The following CPAMD8 variants were observed in gnomAD, a reference collection of about 807,000 sequenced individuals.
The protein encoded by CPAMD8 is C3 and PZP-like alpha-2-macroglobulin domain-containing protein 8.
A neutral mutation model predicts 224.7 loss-of-function variants in CPAMD8; 146 were observed. The observed-to-expected ratio is 0.65, with a 90% CI of 0.57 to 0.75. The LOEUF (loss-of-function observed/expected upper bound fraction) is 0.75, where lower values mean the gene tolerates loss of function less well. Ranked by LOEUF, CPAMD8 falls within the 30% of genes least tolerant of loss-of-function variation. CPAMD8 has a pLI of 0.00. For synonymous variants in CPAMD8, 966 were observed against 1,044.6 expected, an observed-to-expected ratio of 0.92 and a Z score of 1.45; for missense variants, 2,301 against 2,537.5, an observed-to-expected ratio of 0.91 and a Z score of 2.00.
chr19:16,944,953 G>C (rs953191009), intron 22 of CPAMD8, among the ~76,000 whole-genome samples: 1 of 152,180 alleles, frequency 6.6e-6, no homozygotes, highest in African/African-American at 2.4e-5. Flanking sequence ...GCCAAGAAAA[G>C]ATGAGGCATG....
Position 17,018,527 on chromosome 19 carries a change from T to G in CPAMD8, c.267+1804A>C, listed in dbSNP as rs187052651. 1.1e-4 allele frequency among the ~76,000 whole-genome samples: 16 copies of G among 152,194 alleles called. No individual in the cohort carries two copies. In the Middle Eastern group the frequency reaches 0.017, roughly 162 times the overall value. The stretch of plus-strand genomic sequence containing the variant: ...AGCCTAAAGAAGGCATCCAGAATGC[T>G]AATATGGCTTTACATACAAACATTC... On this transcript the variant is annotated intron_variant, in intron 3 of 41. Coordinates refer to ENST00000443236, the MANE Select transcript of CPAMD8 (RefSeq NM_015692.5).
chr19:16,961,440 G>A lies in CPAMD8; in HGVS notation c.2214-3525C>T, dbSNP rs1201959320. Among the ~76,000 whole-genome samples the A allele has an allele frequency of 3.3e-5, 5 of 152,264 alleles. No homozygotes were observed. The South Asian group carries it at 6.2e-4, about 19-fold the overall frequency. ...GCACAGCAGTCTGAGATCGAACTGC[G>A]ACGTGGCAGCCTGGTTGGGGGAGGG... On this transcript the variant is annotated intron_variant, in intron 18 of 41. Transcript: ENST00000443236.
intron 28 of CPAMD8, 35 bp from the exon 29 acceptor site, chr19:16,914,533 A>G (rs2052861811): frequency 1.9e-6 from 3 of 1,612,312 alleles, no homozygotes; most frequent in Non-Finnish European, 2.5e-6. Context: ...CCCTAAGCCA[A>G]AGGAGACAGT....
chr19:16,960,399 G>A (rs1428717826), intron 18 of CPAMD8, among the ~76,000 whole-genome samples: 1 of 151,884 alleles, frequency 6.6e-6, no homozygotes, highest in Non-Finnish European at 1.5e-5. Flanking sequence ...CCATCATTAG[G>A]AGGACTGGAA....
chr19:16,925,561 C>T (rs2144931722), intron 25 of CPAMD8, among the ~76,000 whole-genome samples, 189 bp from the exon 26 acceptor site: 1 of 152,270 alleles, frequency 6.6e-6, no homozygotes, highest in East Asian at 1.9e-4. Context: ...TTACACACCT[C>T]CTTCTGTGTT....
Position 16,977,434 on chromosome 19 carries a change from G to A in CPAMD8, c.1692C>T (p.Val564=), listed in dbSNP as rs371066423. 5 of 1,611,932 alleles carry A rather than the reference G, an allele frequency of 3.1e-6. No homozygotes were observed. Among genetic ancestry groups the A allele is most frequent in the Non-Finnish European group, 4.2e-6 (5 of 1,178,518 alleles). The change falls in exon 15 of 42, where the codon GTC becomes GTT. Residue 564 remains valine (V), a synonymous_variant. Transcript: ENST00000443236. The part of the protein sequence containing the change: ...VPLGRLLVFY[V]RENGEGVADS... ...CGGCGACCCCTTCTCCATTCTCCCT[G>A]ACGTAGAAGACCAGCAGGCGACCAA...
chr19:16,996,980 T>C (rs1338035315), intron 11 of CPAMD8, 131 bp downstream of exon 11: 1 of 663,434 alleles, frequency 1.5e-6, no homozygotes, highest in Non-Finnish European at 2.8e-6. Flanking sequence ...ACACCAGCCC[T>C]CTCCACTCTC....
chr19:17,008,077 G>A (rs1180720079), intron 7 of CPAMD8, among the ~76,000 whole-genome samples: 1 of 152,250 alleles, frequency 6.6e-6, no homozygotes, highest in African/African-American at 2.4e-5. Flanking sequence ...GCTGAGGCAG[G>A]AGACGCTCTT....
At chr19:17,004,427 C>T in intron 7 of CPAMD8, 41 bp from the exon 8 acceptor site, 1 of 1,329,020 alleles carries the variant, frequency 7.5e-7, no homozygotes, top group Non-Finnish European at 1.1e-6. Flanking sequence ...CAGAGAGCCA[C>T]AGACACGGTG....
In CPAMD8 at chr19:17,002,905, C is replaced by CTTT. The variant is rs376741138; in HGVS notation, c.674-558_674-556dup. Among the ~76,000 whole-genome samples the CTTT allele has an allele frequency of 1.8e-3, 245 of 133,418 alleles. 11 individuals are homozygous for CTTT. Among genetic ancestry groups the CTTT allele is most frequent in the African/African-American group, 4.8e-3 (161 of 33,652 alleles). 87.5% of individuals were successfully genotyped at this position (133,418 alleles called of 152,430 possible). A position where few individuals can be genotyped will look rare whatever the true frequency, so the allele number is the denominator to read the frequency against. ...TTCGTTCTTTCTTTTCTTTTCTTTT[C>CTTT]TTTTCTTTTTTTTTTTGAGACAGAT... On this transcript the variant is annotated intron_variant, in intron 8 of 41. Transcript: ENST00000443236.
chr19:16,943,977 T>C (rs1039829916), intron 22 of CPAMD8, among the ~76,000 whole-genome samples: 2 of 152,134 alleles, frequency 1.3e-5, no homozygotes, highest in African/African-American at 4.8e-5. Flanking sequence ...ACTCTCAGCC[T>C]CCCAGCAGAT....
chr19:16,938,190 C>T (rs2053761502), intron 23 of CPAMD8, among the ~76,000 whole-genome samples: 1 of 152,178 alleles, frequency 6.6e-6, no homozygotes, highest in South Asian at 2.1e-4. Context: ...CCTGTGTATT[C>T]ATTCATTCAT....
At chr19:16,984,032 C>A (rs771637564) in intron 13 of CPAMD8, among the ~76,000 whole-genome samples, 5 of 152,070 alleles carry the variant, frequency 3.3e-5, no homozygotes, top group Non-Finnish European at 5.9e-5. Flanking sequence ...GAAGTGAGAG[C>A]CCTGAAATGA....
At chr19:16,949,353 A>G (rs562331259) in intron 20 of CPAMD8, among the ~76,000 whole-genome samples, 19 of 152,230 alleles carry the variant, frequency 1.2e-4, no homozygotes, top group Non-Finnish European at 2.6e-4. Context: ...ACCTCCCTTT[A>G]GGGGCCAACC....
In CPAMD8 at chr19:16,989,791, A is replaced by G. The variant is rs13382107; in HGVS notation, c.1267-20T>C. The G allele has an allele frequency of 3.5e-3, 5,650 of 1,612,956 alleles. 167 individuals are homozygous for G. The African/African-American group carries it at 0.064, about 18-fold the overall frequency. ...CTTGGTCTGAGAAGAGAAGATGCTT[A>G]GATCAACACCCGAGTGCCAAGAGCA... On this transcript the variant is annotated intron_variant, in intron 12 of 41. Coordinates refer to ENST00000443236, the MANE Select transcript of CPAMD8 (RefSeq NM_015692.5).
chr19:16,906,407 T>TTTCTTTCTTTCTTTCTCTCTTTCCTTCC (rs1196710399), intron 30 of CPAMD8, among the ~76,000 whole-genome samples: 1 of 69,866 alleles, frequency 1.4e-5, no homozygotes, highest in African/African-American at 6.5e-5. Context: ...TCTTTCTTTC[T>TTTCTTTCTTTCTTTCTCTCTTTCCTTCC]TTCCTTCCTT....
intron 7 of CPAMD8, 65 bp from the exon 8 acceptor site, chr19:17,004,451 G>C (rs1196830875): frequency 3.8e-6 from 4 of 1,055,350 alleles, no homozygotes; most frequent in Non-Finnish European, 5.9e-6. Flanking sequence ...TACGGGAAGA[G>C]GGAGCCAGGA....
intron 1 of CPAMD8, among the ~76,000 whole-genome samples, chr19:17,022,629 G>C (rs1458631028): frequency 1.3e-5 from 2 of 151,948 alleles, no homozygotes; most frequent in African/African-American, 4.8e-5. Flanking sequence ...CTCCCAAGTA[G>C]CTGGGATTAT....
At position 16,899,485 on chromosome 19, in the gene CPAMD8, TAGA is replaced by T. The variant is rs2052162197; in HGVS notation, c.4835_4837del (p.Phe1612del). 3 of 1,536,140 alleles carry T rather than the reference TAGA, an allele frequency of 2.0e-6. No homozygotes were observed. Among genetic ancestry groups the T allele is most frequent in the Non-Finnish European group, 1.8e-6 (2 of 1,109,548 alleles). On this transcript the variant is annotated inframe_deletion, in exon 37 of 42. Coordinates refer to ENST00000443236, the MANE Select transcript of CPAMD8 (RefSeq NM_015692.5). The surrounding 1 kb of genome is among the most constrained non-coding windows in gnomAD (Gnocchi z 5.4). ...CCCGGCTGGTGGTACCTCATCAAAG[TAGA>T]AGAGCACTCGGCGTCCAGCCACTTC... is the stretch of plus-strand genomic sequence containing the variant.
Sources: allele counts gnomAD v4.1 joint callset (sites outside exome capture counted in the v4.1 genomes callset), GRCh38; gene constraint gnomAD v4.1.1; non-coding constraint Gnocchi (gnomAD v3.1); transcripts MANE v1.5; gene names NCBI Gene and HGNC (gene_info 2026-07-23, HGNC 2026-07-21).